ODF2: variants seen among roughly 807,000 people sequenced by gnomAD.
ODF2 encodes outer dense fiber protein 2.
ODF2 carries 47 observed loss-of-function variants against 110.2 expected under a neutral mutation model. That is an observed-to-expected ratio of 0.43 (90% CI 0.34 to 0.54). The LOEUF (loss-of-function observed/expected upper bound fraction) is 0.54. ODF2 is among the 20% of genes least tolerant of loss of function. The probability of loss-of-function intolerance (pLI) is 0.03; values close to 1 mark genes in which losing one functional copy is unlikely to be tolerated. For synonymous variants in ODF2, 352 were observed against 397.7 expected (o/e 0.89, Z 1.37); for missense variants, 812 against 1,054.5 (o/e 0.77, Z 3.19).
chr9:128,473,510 C>G (rs1260295774), intron 7 of ODF2, 100 bp from the exon 8 acceptor site: 1 of 1,547,800 alleles, frequency 6.5e-7, no homozygotes, highest in Admixed American at 1.9e-5. Context: ...GCCTGGTTCT[C>G]CTTGTCTGGG....
chr9:128,464,221 T>C (rs1837272218), intron 4 of ODF2, among the ~76,000 whole-genome samples: 2 of 144,808 alleles, frequency 1.4e-5, no homozygotes, highest in Non-Finnish European at 3.0e-5. Flanking sequence ...AATGGTGCAA[T>C]CTCGGCTCAC....
chr9:128,487,584 G>T (rs1181594024), intron 13 of ODF2, among the ~76,000 whole-genome samples: 1 of 152,110 alleles, frequency 6.6e-6, no homozygotes, highest in South Asian at 2.1e-4. Flanking sequence ...TCAGGAGATC[G>T]AGACCATCCT....
chr9:128,482,935 C>T (rs747810696), intron 10 of ODF2, 48 bp downstream of exon 10: 23 of 1,488,094 alleles, frequency 1.5e-5, no homozygotes, highest in Middle Eastern at 1.8e-4. Context: ...CTCGCTCTGT[C>T]GCCAGGCTGG....
chr9:128,470,455 A>AC (rs910057334), intron 5 of ODF2, among the ~76,000 whole-genome samples: 17 of 151,754 alleles, frequency 1.1e-4, no homozygotes, highest in African/African-American at 4.1e-4. Context: ...ACATGGTGAA[A>AC]CCCCATCTCT....
chr9:128,455,294 G>A, upstream of ODF2: 3 of 1,453,780 alleles, frequency 2.1e-6, no homozygotes, highest in South Asian at 1.2e-5. Flanking sequence ...GCTCAAGCCT[G>A]TAATACAAGC....
chr9:128,491,107 C>T (rs1844457394), intron 14 of ODF2, among the ~76,000 whole-genome samples: 1 of 151,572 alleles, frequency 6.6e-6, no homozygotes, highest in African/African-American at 2.4e-5. Flanking sequence ...TGCAGTGGTG[C>T]AATCTCAGCT....
At chr9:128,487,147 G>A (rs557781818) in intron 13 of ODF2, among the ~76,000 whole-genome samples, 1 of 152,186 alleles carries the variant, frequency 6.6e-6, no homozygotes, top group African/African-American at 2.4e-5. Flanking sequence ...AGTGGCACCA[G>A]CATAGCTCAC....
intron 5 of ODF2, among the ~76,000 whole-genome samples, chr9:128,470,605 A>C (rs1010826143): frequency 6.6e-6 from 1 of 151,758 alleles, no homozygotes; most frequent in Non-Finnish European, 1.5e-5. Flanking sequence ...CCTGGATGAC[A>C]GAGTGAGACC....
chr9:128,473,873 G>A, intron 8 of ODF2, 132 bp downstream of exon 8: 1 of 806,612 alleles, frequency 1.2e-6, no homozygotes. Context: ...TAATGAAATT[G>A]TTCACATGAA....
intron 14 of ODF2, among the ~76,000 whole-genome samples, chr9:128,490,693 T>G (rs542105328): frequency 6.6e-6 from 1 of 152,208 alleles, no homozygotes; most frequent in Non-Finnish European, 1.5e-5. Context: ...CATATATTTT[T>G]CTAGATTATC....
intron 2 of ODF2, among the ~76,000 whole-genome samples, chr9:128,458,617 G>A (rs1169269367): frequency 2.0e-5 from 3 of 149,034 alleles, no homozygotes; most frequent in African/African-American, 5.0e-5. Context: ...TGTCTTTGCA[G>A]ATCTGGTGAT....
At chr9:128,492,668 C>T in intron 15 of ODF2, 33 bp from the exon 16 acceptor site, 2 of 1,601,168 alleles carry the variant, frequency 1.2e-6, no homozygotes, top group Non-Finnish European at 1.7e-6. Flanking sequence ...CGTGGCTCTA[C>T]CTAAGATGAA....
chr9:128,480,775 C>T (rs1842239449), intron 8 of ODF2, among the ~76,000 whole-genome samples: 1 of 152,106 alleles, frequency 6.6e-6, no homozygotes, highest in Non-Finnish European at 1.5e-5. Context: ...CGAGATCGTG[C>T]CATCGCACTC....
intron 4 of ODF2, among the ~76,000 whole-genome samples, chr9:128,461,600 G>GT (rs1414856687): frequency 6.6e-6 from 1 of 152,020 alleles, no homozygotes; most frequent in Non-Finnish European, 1.5e-5. Flanking sequence ...TAAATTTTTA[G>GT]TAGAGATGGG....
At chr9:128,488,477 G>T (rs750775826) in intron 14 of ODF2, among the ~76,000 whole-genome samples, 3 of 152,202 alleles carry the variant, frequency 2.0e-5, no homozygotes, top group Non-Finnish European at 4.4e-5. Context: ...CTTCCTGGCT[G>T]TAGGACCTGA....
chr9:128,487,055 T>C (rs1342634858), intron 13 of ODF2, among the ~76,000 whole-genome samples: 2 of 152,138 alleles, frequency 1.3e-5, no homozygotes, highest in African/African-American at 4.8e-5. Flanking sequence ...AGGATCAAGA[T>C]GGGTACACAT....
chr9:128,495,340 C>T (rs890118470), intron 17 of ODF2, among the ~76,000 whole-genome samples: 8 of 152,234 alleles, frequency 5.3e-5, no homozygotes, highest in Non-Finnish European at 1.2e-4. Context: ...GTGTTATTTT[C>T]CCCATTTTAC....
chr9:128,477,302 A>G (rs1439801178), intron 8 of ODF2, among the ~76,000 whole-genome samples: 2 of 151,032 alleles, frequency 1.3e-5, no homozygotes, highest in Non-Finnish European at 2.9e-5. Flanking sequence ...TAATTCCCAC[A>G]CTCTGGGAGG....
At chr9:128,473,009 G>C in exon 7 of ODF2, 1 of 1,614,144 alleles carries the variant, frequency 6.2e-7, no homozygotes, top group Non-Finnish European at 8.5e-7. Flanking sequence ...AGCAGGTCAT[G>C]GCCTTGAAGG....
Sources: allele counts gnomAD v4.1 joint callset (sites outside exome capture counted in the v4.1 genomes callset), GRCh38; gene constraint gnomAD v4.1.1; transcripts MANE v1.5; gene names NCBI Gene and HGNC (gene_info 2026-07-23, HGNC 2026-07-21).